The following LDHC variants were observed in gnomAD, a reference collection of about 807,000 sequenced individuals.
LDHC encodes L-lactate dehydrogenase C chain.
A neutral mutation model predicts 30.2 loss-of-function variants in LDHC; 20 were observed. The observed-to-expected ratio is 0.66, with a 90% CI of 0.47 to 0.96. The LOEUF (loss-of-function observed/expected upper bound fraction) is 0.96. LDHC is among the 40% of genes least tolerant of loss of function. The pLI is 0.00. For synonymous variants in LDHC, 139 were observed against 132.7 expected, an observed-to-expected ratio of 1.05 and a Z score of -0.32; for missense variants, 362 against 394.9, an observed-to-expected ratio of 0.92 and a Z score of 0.71.
intron 3 of LDHC, among the ~76,000 whole-genome samples, chr11:18,422,374 G>A (rs934091805): frequency 6.6e-6 from 1 of 151,760 alleles, no homozygotes; most frequent in East Asian, 1.9e-4. Context: ...GGGCAACATG[G>A]TGAGACCCCT....
intron 7 of LDHC, among the ~76,000 whole-genome samples, chr11:18,447,371 G>A (rs1218176388): frequency 2.0e-5 from 3 of 151,842 alleles, no homozygotes; most frequent in Non-Finnish European, 4.4e-5. Context: ...TCCTGACCTC[G>A]TAATCTGCCT....
intron 4 of LDHC, among the ~76,000 whole-genome samples, chr11:18,434,224 T>G (rs1251621055): frequency 3.3e-5 from 5 of 151,932 alleles, no homozygotes; most frequent in Non-Finnish European, 5.9e-5. Flanking sequence ...ATCATTTTTT[T>G]TTTTTTATTT....
chr11:18,428,113 T>C (rs1848193907), intron 3 of LDHC, among the ~76,000 whole-genome samples: 1 of 151,896 alleles, frequency 6.6e-6, no homozygotes, highest in African/African-American at 2.4e-5. Context: ...TAAATGAAGA[T>C]GTGATATTTT....
Position 18,451,087 on chromosome 11 carries a change from C to T in LDHC, c.959C>T (p.Ala320Val), listed in dbSNP as rs1171061282. 4 of 1,566,942 alleles carry T rather than the reference C, an allele frequency of 2.6e-6. No individual in the cohort carries two copies. Among genetic ancestry groups the T allele is most frequent in the Non-Finnish European group, 3.4e-6 (4 of 1,163,596 alleles). Reference sequence around the variant, plus strand: ...GAGGAGGCCCTTTTCAAGAAGAGTGCAGAAACACTTTGGAATATTCAAAAG... The same window carrying T: ...GAGGAGGCCCTTTTCAAGAAGAGTGTAGAAACACTTTGGAATATTCAAAAG... ...SEEEALFKKS[A>V]ETLWNIQKDL... The change falls in exon 8 of 8, where the codon GCA becomes GTA. Residue 320 changes from alanine to valine, a missense_variant. Transcript: ENST00000541669.
intron 3 of LDHC, among the ~76,000 whole-genome samples, chr11:18,416,677 C>T (rs1396158408): frequency 1.3e-5 from 2 of 151,148 alleles, no homozygotes; most frequent in African/African-American, 4.9e-5. Flanking sequence ...CATCCCTTCC[C>T]CCTTCCCTTC....
chr11:18,412,981 CCCTCCCTT>C (rs1464461217), intron 2 of LDHC, 138 bp downstream of exon 2: 24 of 352,388 alleles, frequency 6.8e-5, no homozygotes, highest in South Asian at 1.1e-4. Context: ...CTCCCTCCCT[CCCTCCCTT>C]CCTTCCTTCC....
At chr11:18,438,317 A>C (rs1258418989) in intron 5 of LDHC, among the ~76,000 whole-genome samples, 1 of 152,154 alleles carries the variant, frequency 6.6e-6, no homozygotes, top group Non-Finnish European at 1.5e-5. Flanking sequence ...CTTCAACAGG[A>C]GATGATGCTA....
At chr11:18,447,899 A>T (rs1259385836) in intron 7 of LDHC, among the ~76,000 whole-genome samples, 1 of 152,000 alleles carries the variant, frequency 6.6e-6, no homozygotes, top group Non-Finnish European at 1.5e-5. Flanking sequence ...AAATACAAAA[A>T]TTAGCTGAGT....
intron 7 of LDHC, 134 bp downstream of exon 7, chr11:18,446,467 C>G (rs1180777744): frequency 2.1e-5 from 14 of 667,306 alleles, no homozygotes; most frequent in Non-Finnish European, 3.6e-5. Context: ...GACCTCAGGT[C>G]AGGTCAAAAA....
intron 5 of LDHC, among the ~76,000 whole-genome samples, chr11:18,436,107 T>C (rs1176129845): frequency 3.3e-5 from 5 of 152,226 alleles, no homozygotes; most frequent in African/African-American, 1.2e-4. Flanking sequence ...ACAAATACTT[T>C]ATTTGATTTG....
chr11:18,441,555 T>A (rs982649375), intron 6 of LDHC, among the ~76,000 whole-genome samples: 1 of 149,694 alleles, frequency 6.7e-6, no homozygotes, highest in Non-Finnish European at 1.5e-5. Flanking sequence ...TCTGCCCACC[T>A]TGGCCTCCCA....
At position 18,424,254 on chromosome 11, in the gene LDHC, C is replaced by T. The variant is rs190560684; in HGVS notation, c.245-5483C>T. Among the ~76,000 whole-genome samples, 729 of 151,518 alleles carry T rather than the reference C, an allele frequency of 4.8e-3. 5 individuals carry two copies. The highest frequency in any genetic ancestry group is 6.8e-3 in the Middle Eastern group (2 of 292). On this transcript the variant is annotated intron_variant, in intron 3 of 7. Transcript: ENST00000541669. ...AAAATTAGCCGGGCATGGTGGTGCGCGCCTGTAATCCCAGCTACTCAGGAG... is the reference window on the plus strand; with the variant it reads ...AAAATTAGCCGGGCATGGTGGTGCGTGCCTGTAATCCCAGCTACTCAGGAG...
chr11:18,430,258 T>C (rs1054701021), intron 4 of LDHC, among the ~76,000 whole-genome samples: 1 of 152,220 alleles, frequency 6.6e-6, no homozygotes, highest in Non-Finnish European at 1.5e-5. Flanking sequence ...GATTCATCCA[T>C]ATTAGTGAGT....
Position 18,426,441 on chromosome 11 carries a change from C to T in LDHC, c.245-3296C>T, listed in dbSNP as rs150605971. On this transcript the variant is annotated intron_variant, in intron 3 of 7. Coordinates refer to ENST00000541669, the MANE Select transcript of LDHC (RefSeq NM_017448.5). ...ACTTGGGAGGCTGAAGCAGGAGAAT[C>T]ACTTGAACCAGGGAGGCATAGGTTG... 3.7e-3 allele frequency among the ~76,000 whole-genome samples: 549 copies of T among 149,480 alleles called. 8 individuals are homozygous for T. The highest frequency in any genetic ancestry group is 0.013 in the African/African-American group (531 of 40,674).
At chr11:18,439,829 A>AAAC (rs1554964773) in intron 6 of LDHC, among the ~76,000 whole-genome samples, 8 of 114,744 alleles carry the variant, frequency 7.0e-5, no homozygotes, top group Admixed American at 2.8e-4. Flanking sequence ...AAAAAAAAAA[A>AAAC]AAAAAAACAA....
intron 6 of LDHC, among the ~76,000 whole-genome samples, chr11:18,440,881 C>G (rs1324479957): frequency 6.6e-6 from 1 of 150,824 alleles, no homozygotes; most frequent in East Asian, 1.9e-4. Context: ...CTCAAACTCG[C>G]AGAGGTATGA....
chr11:18,415,994 C>T (rs184817586), intron 3 of LDHC, among the ~76,000 whole-genome samples: 147 of 152,078 alleles, frequency 9.7e-4, no homozygotes, highest in Non-Finnish European at 1.4e-3. Context: ...GGTGCCCAGC[C>T]GGGCCATATA....
At chr11:18,435,335 C>G (rs1461441501) in intron 5 of LDHC, among the ~76,000 whole-genome samples, 2 of 152,096 alleles carry the variant, frequency 1.3e-5, no homozygotes, top group Non-Finnish European at 2.9e-5. Context: ...CATGGTTTAA[C>G]ACCATCTGCC....
At chr11:18,427,833 T>C (rs1174294111) in intron 3 of LDHC, among the ~76,000 whole-genome samples, 1 of 152,014 alleles carries the variant, frequency 6.6e-6, no homozygotes, top group Admixed American at 6.6e-5. Context: ...CGTGCCATCA[T>C]GCCCAGCTAA....
Sources: allele counts gnomAD v4.1 joint callset (sites outside exome capture counted in the v4.1 genomes callset), GRCh38; gene constraint gnomAD v4.1.1; transcripts MANE v1.5; gene names NCBI Gene and HGNC (gene_info 2026-07-23, HGNC 2026-07-21).